Variants in EBF4 observed in about 807,000 individuals in gnomAD.
The protein encoded by EBF4 is transcription factor COE4.
A neutral mutation model predicts 67.1 loss-of-function variants in EBF4; 34 were observed. The observed-to-expected ratio is 0.51, with a 90% CI of 0.39 to 0.67. EBF4 has a LOEUF of 0.67. Ranked by LOEUF, EBF4 falls within the 30% of genes least tolerant of loss-of-function variation. The pLI, the probability that EBF4 is intolerant of heterozygous loss-of-function variation, is 0.00. For synonymous variants in EBF4, 387 were observed against 377.7 expected (o/e 1.02, Z -0.29); for missense variants, 837 against 873.3 (o/e 0.96, Z 0.52).
exon 6 of EBF4, chr20:2,709,587 C>T (rs373720477): frequency 1.1e-5 from 17 of 1,556,342 alleles, no homozygotes; most frequent in South Asian, 5.9e-5. Context: ...GTGCTGTGAC[C>T]GGAAGAGCTG....
chr20:2,744,092 T>A (rs1460517122), intron 6 of EBF4, among the ~76,000 whole-genome samples: 2 of 151,584 alleles, frequency 1.3e-5, no homozygotes, highest in Non-Finnish European at 2.9e-5. Context: ...TTATTTTTTT[T>A]TTTTTGAGAC....
Position 2,755,890 on chromosome 20 carries a change from G to GAGCA in EBF4, c.1738+66_1738+67insAGCA. The GAGCA allele has an allele frequency of 6.9e-7, 1 of 1,444,602 alleles. No individual in the cohort carries two copies. Among genetic ancestry groups the GAGCA allele is most frequent in the Non-Finnish European group, 9.3e-7 (1 of 1,072,928 alleles). 89.5% of individuals were successfully genotyped at this position (1,444,602 alleles called of 1,614,324 possible). On this transcript the variant is annotated intron_variant, in intron 15 of 16. Coordinates refer to ENST00000609451, the Ensembl canonical transcript of EBF4. This position sits in a 1 kb window ranked among gnomAD's most constrained non-coding sequence, Gnocchi z 4.7. ...GCCCTTGTGGAGCAGCTGGGCTACA[G>GAGCA]GGGCCTGCTCTGTCCACATCTCACC...
intron 6 of EBF4, among the ~76,000 whole-genome samples, chr20:2,724,951 A>G (rs1456144330): frequency 6.6e-6 from 1 of 152,208 alleles, no homozygotes; most frequent in Non-Finnish European, 1.5e-5. Flanking sequence ...TTTTGTAGAT[A>G]AACTCACTCT....
At chr20:2,702,345 G>A (rs902159724) in intron 1 of EBF4, among the ~76,000 whole-genome samples, 5 of 151,856 alleles carry the variant, frequency 3.3e-5, no homozygotes, top group African/African-American at 4.8e-5. Context: ...GGAGGATCAC[G>A]TGAGCCTAGG....
rs185360707 is a variant in EBF4 at position 2,712,320 on chromosome 20, C to T, written c.557+2678C>T. Among the ~76,000 whole-genome samples, 667 of 152,202 alleles carry T rather than the reference C, an allele frequency of 4.4e-3. 3 individuals are homozygous for T. Among genetic ancestry groups the T allele is most frequent in the Non-Finnish European group, 7.9e-3 (536 of 68,000 alleles). ...ATGATGGAAGCTGAGACTAGGGATGCTATAGGGGAGGTTGTAAGAAGCGGC... is the reference window on the plus strand; with the variant it reads ...ATGATGGAAGCTGAGACTAGGGATGTTATAGGGGAGGTTGTAAGAAGCGGC... On this transcript the variant is annotated intron_variant, in intron 6 of 16. Coordinates refer to ENST00000609451, the Ensembl canonical transcript of EBF4.
At chr20:2,759,278 G>A (rs1421315690) in exon 17 of EBF4, 1 of 462,884 alleles carries the variant, frequency 2.2e-6, no homozygotes, top group African/African-American at 1.9e-5. Context: ...GTCTGCAGCT[G>A]TTCCCATGGA....
chr20:2,708,712 G>C (rs559089170), intron 5 of EBF4, among the ~76,000 whole-genome samples: 1 of 152,276 alleles, frequency 6.6e-6, no homozygotes, highest in African/African-American at 2.4e-5. Context: ...GACAGATCCA[G>C]ACCCTGTCTC....
rs1434347597 is a variant in EBF4 at position 2,729,012 on chromosome 20, T to C, written c.557+19370T>C. On this transcript the variant is annotated intron_variant, in intron 6 of 16. Coordinates refer to ENST00000609451, the Ensembl canonical transcript of EBF4. ...AGATTACTGTAGTTGTTAGAACAGC[T>C]ACTAGATCTTATTACTTAATAAATT... Among the ~76,000 whole-genome samples, 3 of 148,066 alleles carry C rather than the reference T, an allele frequency of 2.0e-5. No individual in the cohort carries two copies. In the East Asian group the frequency reaches 5.8e-4, roughly 29 times the overall value.
chr20:2,743,592 A>AGTGC (rs1206550591), intron 6 of EBF4, among the ~76,000 whole-genome samples: 1 of 152,120 alleles, frequency 6.6e-6, no homozygotes, highest in Non-Finnish European at 1.5e-5. Flanking sequence ...CGAGTGTGTG[A>AGTGC]GTGCGTGCGT....
intron 6 of EBF4, among the ~76,000 whole-genome samples, chr20:2,733,303 T>TTC (rs138935530): frequency 2.4e-4 from 36 of 151,852 alleles, no homozygotes; most frequent in African/African-American, 7.7e-4. Context: ...GACGAGTTAC[T>TTC]TCTCTCTCTC....
chr20:2,741,945 A>T (rs972131781), intron 6 of EBF4, among the ~76,000 whole-genome samples: 3 of 152,330 alleles, frequency 2.0e-5, no homozygotes, highest in African/African-American at 4.8e-5. Context: ...CACAACAGCC[A>T]AAAGCCCAAA....
chr20:2,735,286 C>G (rs1277079243), intron 6 of EBF4, among the ~76,000 whole-genome samples: 1 of 152,218 alleles, frequency 6.6e-6, no homozygotes, highest in Non-Finnish European at 1.5e-5. Flanking sequence ...CACTCTACCC[C>G]TTCCTATGGT....
chr20:2,708,816 C>T (rs1456859013), intron 5 of EBF4, among the ~76,000 whole-genome samples: 2 of 152,214 alleles, frequency 1.3e-5, no homozygotes, highest in Non-Finnish European at 2.9e-5. Context: ...AAGGAAGAGG[C>T]ATGACCGGCA....
chr20:2,753,703 T>C (rs868202072), intron 14 of EBF4, among the ~76,000 whole-genome samples: 1 of 152,254 alleles, frequency 6.6e-6, no homozygotes, highest in Middle Eastern at 3.2e-3. Flanking sequence ...CTGCACTGTC[T>C]GTCCACCAGC....
intron 6 of EBF4, among the ~76,000 whole-genome samples, chr20:2,710,597 T>C (rs1172280546): frequency 6.6e-6 from 1 of 151,904 alleles, no homozygotes. Context: ...ATTTTAGATA[T>C]TCCACACAGG....
upstream of EBF4, among the ~76,000 whole-genome samples, chr20:2,693,399 T>C (rs2087239687): frequency 1.3e-5 from 2 of 150,262 alleles, no homozygotes; most frequent in African/African-American, 4.9e-5. The surrounding 1 kb of genome is among the most constrained non-coding windows in gnomAD (Gnocchi z 4.6). Context: ...CCGCCAGCGC[T>C]CAGGCCGCGG....
upstream of EBF4, among the ~76,000 whole-genome samples, chr20:2,693,322 G>A (rs1334371173): frequency 2.0e-5 from 3 of 150,106 alleles, no homozygotes; most frequent in Admixed American, 1.3e-4. The surrounding 1 kb of genome is among the most constrained non-coding windows in gnomAD (Gnocchi z 4.6). Context: ...GCGCGCCTCT[G>A]GGGCGCCTCC....
intron 6 of EBF4, among the ~76,000 whole-genome samples, chr20:2,728,529 G>A (rs1348828875): frequency 6.6e-6 from 1 of 152,160 alleles, no homozygotes; most frequent in Non-Finnish European, 1.5e-5. Context: ...TTCGGGGGCG[G>A]GGGGTTGAAG....
chr20:2,715,574 C>T (rs2087597389), intron 6 of EBF4, among the ~76,000 whole-genome samples: 1 of 152,202 alleles, frequency 6.6e-6, no homozygotes, highest in Non-Finnish European at 1.5e-5. Context: ...CTAAGTAACA[C>T]TCCCACCCAC....
Sources: gnomAD v4.1 joint callset for allele counts (sites outside exome capture counted in the v4.1 genomes callset) on GRCh38, gnomAD v4.1.1 for gene constraint, Gnocchi (gnomAD v3.1) non-coding constraint, MANE v1.5 for transcripts, NCBI Gene and HGNC (gene_info 2026-07-23, HGNC 2026-07-21) for gene names.